GARNL3: variants seen among roughly 807,000 people sequenced by gnomAD.
GARNL3 encodes GTPase activating Rap/RanGAP domain like 3.
GARNL3 carries 63 observed loss-of-function variants against 125.0 expected under a neutral mutation model. That is an observed-to-expected ratio of 0.50 (90% CI 0.41 to 0.62). GARNL3 has a LOEUF of 0.62. Among genes scored for constraint, GARNL3 ranks in the 20% least tolerant of loss-of-function variants. The pLI, the probability that GARNL3 is intolerant of heterozygous loss-of-function variation, is 0.00. For synonymous variants in GARNL3, 439 were observed against 457.5 expected (o/e 0.96, Z 0.52); for missense variants, 994 against 1,244.0 (o/e 0.80, Z 3.02).
chr9:127,235,160 A>G (rs2063088029), intron 1 of GARNL3, among the ~76,000 whole-genome samples: 1 of 151,760 alleles, frequency 6.6e-6, no homozygotes, highest in Non-Finnish European at 1.5e-5. Flanking sequence ...CTAGTGGCCA[A>G]ATTATTGAGA....
chr9:127,334,147 G>A (rs1829419760), intron 9 of GARNL3, among the ~76,000 whole-genome samples: 1 of 152,148 alleles, frequency 6.6e-6, no homozygotes. Context: ...CGGTGAGATT[G>A]GAAACACCTG....
intron 9 of GARNL3, among the ~76,000 whole-genome samples, chr9:127,334,439 C>G (rs536046428): frequency 6.6e-6 from 1 of 152,312 alleles, no homozygotes; most frequent in East Asian, 1.9e-4. Context: ...ATCACGGATT[C>G]TGAATTCGGG....
chr9:127,322,469 C>T (rs542871929), intron 6 of GARNL3, among the ~76,000 whole-genome samples: 13 of 152,054 alleles, frequency 8.5e-5, no homozygotes, highest in African/African-American at 3.1e-4. Flanking sequence ...CCTGTTTTTA[C>T]CAAACAAAAG....
chr9:127,274,407 A>G (rs1231160360), intron 1 of GARNL3, among the ~76,000 whole-genome samples: 2 of 152,202 alleles, frequency 1.3e-5, no homozygotes, highest in Non-Finnish European at 2.9e-5. Flanking sequence ...GACAAAATCA[A>G]CCTTGGGAAC....
Position 127,354,276 on chromosome 9 carries a change from T to C in GARNL3, c.1643-18T>C, listed in dbSNP as rs1475983414. 6.3e-7 allele frequency: 1 copy of C among 1,593,276 alleles called. No individual in the cohort carries two copies. Among genetic ancestry groups the C allele is most frequent in the Non-Finnish European group, 8.6e-7 (1 of 1,162,654 alleles). ...CTTTTCCATTTAATCTCCTCCTCTG[T>C]CTTTTTTATGTCACCAGGAAAAGAT... On this transcript the variant is annotated intron_variant, in intron 18 of 27. Coordinates refer to ENST00000373387, the MANE Select transcript of GARNL3 (RefSeq NM_032293.5).
intron 27 of GARNL3, among the ~76,000 whole-genome samples, chr9:127,391,552 A>ATATATATATATATATATATATATATATG (rs1292380673): frequency 1.6e-5 from 2 of 129,018 alleles, no homozygotes; most frequent in African/African-American, 5.7e-5. Context: ...ATATATATAT[A>ATATATATATATATATATATATATATATG]GGCTGGGTCT....
At chr9:127,257,469 G>A (rs541912692) in intron 2 of GARNL3, among the ~76,000 whole-genome samples, 3 of 152,244 alleles carry the variant, frequency 2.0e-5, no homozygotes, top group African/African-American at 4.8e-5. Flanking sequence ...TTAGAGATAC[G>A]ATAGTAAAGG....
At chr9:127,272,520 T>TCCTGC (rs1394940592) in intron 1 of GARNL3, among the ~76,000 whole-genome samples, 2 of 140,704 alleles carry the variant, frequency 1.4e-5, no homozygotes, top group Non-Finnish European at 2.9e-5. Flanking sequence ...GGAGTCTCAC[T>TCCTGC]CTGTTCCCCA....
At chr9:127,231,052 T>A (rs7873886) in intron 1 of GARNL3, among the ~76,000 whole-genome samples, 1,595 of 72,272 alleles carry the variant, frequency 0.022, 7 homozygotes, top group African/African-American at 0.04. Flanking sequence ...ATATATATAT[T>A]TTTTTTTTTT....
upstream of GARNL3, chr9:127,263,889 G>A (rs542242905): frequency 2.1e-4 from 303 of 1,413,348 alleles, no homozygotes; most frequent in Non-Finnish European, 2.6e-4. Context: ...CAGTGTCCTG[G>A]CAGAGAGTCA....
At chr9:127,292,786 T>G (rs1336857723) in intron 2 of GARNL3, among the ~76,000 whole-genome samples, 3 of 152,194 alleles carry the variant, frequency 2.0e-5, no homozygotes, top group African/African-American at 7.2e-5. Flanking sequence ...TGGGACCCAG[T>G]CAGGGGTTAG....
chr9:127,231,295 A>C (rs1354594464), intron 1 of GARNL3, among the ~76,000 whole-genome samples: 5 of 140,430 alleles, frequency 3.6e-5, no homozygotes, highest in African/African-American at 1.3e-4. Context: ...GATGGTCTAG[A>C]TCTCCTGACC....
At chr9:127,274,210 G>T (rs1487664670) in intron 1 of GARNL3, among the ~76,000 whole-genome samples, 1 of 152,026 alleles carries the variant, frequency 6.6e-6, no homozygotes, top group African/African-American at 2.4e-5. Context: ...ATGATTTTAT[G>T]ACCTATTTTT....
intron 2 of GARNL3, among the ~76,000 whole-genome samples, chr9:127,297,639 A>G (rs1228990455): frequency 6.6e-6 from 1 of 152,224 alleles, no homozygotes; most frequent in African/African-American, 2.4e-5. Flanking sequence ...CCAACAGAAT[A>G]CATACGTAAC....
intron 2 of GARNL3, among the ~76,000 whole-genome samples, chr9:127,310,425 A>G (rs534730870): frequency 5.9e-5 from 9 of 152,326 alleles, no homozygotes; most frequent in Admixed American, 1.3e-4. Context: ...CAAAGGACAT[A>G]AACAGGTAAC....
intron 7 of GARNL3, among the ~76,000 whole-genome samples, chr9:127,331,089 C>G (rs1829207722): frequency 6.6e-6 from 1 of 151,966 alleles, no homozygotes; most frequent in Admixed American, 6.6e-5. Context: ...GTGGGTCAAC[C>G]AACCTTGTAG....
chr9:127,393,093 G>A lies in GARNL3; in HGVS notation c.2881G>A (p.Gly961Ser). 4 of 1,602,472 alleles carry A rather than the reference G, an allele frequency of 2.5e-6. No homozygotes were observed. Among genetic ancestry groups the A allele is most frequent in the Non-Finnish European group, 3.4e-6 (4 of 1,170,314 alleles). ...ACTTTTCTCTTCTAGGATCCCATCA[G>A]GCTCCTTGGAAAGTGCTTCTACTTC... ...RSSSSDRIPS[G>S]SLESASTSEA... is the part of the protein sequence containing the mutation. Residue 961 changes from glycine to serine, a missense_variant, in exon 28 of 28, where the codon GGC (glycine) becomes AGC (serine). Gly to Ser is a moderately conservative substitution (Grantham distance 56). Coordinates refer to ENST00000373387, the MANE Select transcript of GARNL3 (RefSeq NM_032293.5).
At chr9:127,272,353 T>A (rs2063843003) in intron 1 of GARNL3, among the ~76,000 whole-genome samples, 1 of 150,006 alleles carries the variant, frequency 6.7e-6, no homozygotes, top group African/African-American at 2.5e-5. Flanking sequence ...GAGAGATTAG[T>A]GAGGGTACCA....
At chr9:127,362,569 A>G (rs992046520) in intron 21 of GARNL3, 1 of 152,302 alleles carries the variant, frequency 6.6e-6, no homozygotes, top group East Asian at 1.9e-4. Context: ...TCCCGTGGAG[A>G]AGCTCCCAGT....
Sources: allele counts gnomAD v4.1 joint callset (sites outside exome capture counted in the v4.1 genomes callset), GRCh38; gene constraint gnomAD v4.1.1; transcripts MANE v1.5; gene names NCBI Gene and HGNC (gene_info 2026-07-23, HGNC 2026-07-21).